ANKRD11: variants seen among roughly 807,000 people sequenced by gnomAD.
ANKRD11 encodes the protein ankyrin repeat domain-containing protein 11.
In ANKRD11, 17 loss-of-function variants were observed where a neutral mutation model predicts 195.7. That is an observed-to-expected ratio of 0.09 (90% confidence interval 0.06 to 0.13). ANKRD11 has a LOEUF of 0.13. Among genes scored for constraint, ANKRD11 ranks in the 10% least tolerant of loss-of-function variants. ANKRD11 has a pLI of 1.00. For synonymous variants in ANKRD11, 1,953 were observed against 1,528.1 expected, an observed-to-expected ratio of 1.28 and a Z score of -6.49; for missense variants, 3,735 against 3,566.1, an observed-to-expected ratio of 1.05 and a Z score of -1.21.
intron 1 of ANKRD11, among the ~76,000 whole-genome samples, chr16:89,450,212 G>C (rs1352418943): frequency 6.6e-6 from 1 of 152,142 alleles, no homozygotes; most frequent in Non-Finnish European, 1.5e-5. Flanking sequence ...TGTGCATGGA[G>C]CTGGCTCAGA....
chr16:89,480,142 T>A, intron 1 of ANKRD11, among the ~76,000 whole-genome samples: 1 of 148,134 alleles, frequency 6.8e-6, no homozygotes, highest in Non-Finnish European at 1.5e-5. Context: ...TCCTGCCAAG[T>A]ATTATTGCCT....
In ANKRD11 at chr16:89,285,890, G is replaced by C; in HGVS notation, c.892+149C>G. 1 of 1,253,692 alleles carries C rather than the reference G, an allele frequency of 8.0e-7. No individual in the cohort carries two copies. Among genetic ancestry groups the C allele is most frequent in the Non-Finnish European group, 1.1e-6 (1 of 879,264 alleles). 77.7% of individuals were successfully genotyped at this position (1,253,692 alleles called of 1,614,324 possible). A position where few individuals can be genotyped will look rare whatever the true frequency, so the allele number is the denominator to read the frequency against. On this transcript the variant is annotated intron_variant, in intron 8 of 12. Transcript: ENST00000301030. This position sits in a 1 kb window ranked among gnomAD's most constrained non-coding sequence, Gnocchi z 5.6. ...CAGGCTTCTCGGCAGTGACACACCTGGGCGGGGTCTCCCGCAGTCCAGAAG... is the reference window on the plus strand; with the variant it reads ...CAGGCTTCTCGGCAGTGACACACCTCGGCGGGGTCTCCCGCAGTCCAGAAG...
Position 89,282,019 on chromosome 16 carries a change from T to C in ANKRD11, c.4523A>G (p.Asp1508Gly), listed in dbSNP as rs1193473542. The C allele has an allele frequency of 6.2e-7, 1 of 1,613,540 alleles. No individual in the cohort carries two copies. Among genetic ancestry groups the C allele is most frequent in the Admixed American group, 1.7e-5 (1 of 60,026 alleles). Reference sequence around the variant, plus strand: ...GTCTTTGAGCACGCGGGGCGGGCTGTCCTTGTCCCTGGTGGCGGGCTTCTG... The same window carrying C: ...GTCTTTGAGCACGCGGGGCGGGCTGCCCTTGTCCCTGGTGGCGGGCTTCTG... ...DEQKPATRDK[D>G]SPPRVLKDKS... is the part of the protein sequence containing the mutation. Residue 1508 changes from aspartate (D) to glycine (G), a missense_variant, in exon 9 of 13, where the codon GAC becomes GGC. By Grantham distance (94) the Asp-to-Gly change is moderately conservative. Coordinates refer to ENST00000301030, the MANE Select transcript of ANKRD11 (RefSeq NM_013275.6).
At chr16:89,359,675 C>T (rs1597781983) in intron 2 of ANKRD11, among the ~76,000 whole-genome samples, 1 of 152,232 alleles carries the variant, frequency 6.6e-6, no homozygotes, top group African/African-American at 2.4e-5. Flanking sequence ...CTCTGCCTCT[C>T]CACACTGAAG....
At chr16:89,305,377 GT>G (rs1743467726) in intron 3 of ANKRD11, 33 bp from the exon 4 acceptor site, 2 of 1,613,476 alleles carry the variant, frequency 1.2e-6, no homozygotes, top group Admixed American at 1.7e-5. Flanking sequence ...CAGTCGTGAT[GT>G]CCAAATTACA....
intron 1 of ANKRD11, among the ~76,000 whole-genome samples, chr16:89,431,675 T>G (rs187250310): frequency 3.3e-5 from 5 of 152,304 alleles, no homozygotes; most frequent in Admixed American, 3.3e-4. Context: ...CTTCAGCCAC[T>G]GCAGGGGCAC....
At position 89,284,517 on chromosome 16, in the gene ANKRD11, C is replaced by T. The variant is rs757865923; in HGVS notation, c.2025G>A (p.Glu675=). 2.5e-6 allele frequency: 4 copies of T among 1,614,094 alleles called. No individual in the cohort carries two copies. Among genetic ancestry groups the T allele is most frequent in the East Asian group, 2.2e-5 (1 of 44,886 alleles). ...KQKSDKAILL[E]NDLSTENKLK... is the part of the protein sequence containing the mutation. ...GCTTGTTTTCAGTGGAAAGATCATT[C>T]TCTAACAGTATAGCCTTATCTGACT... Residue 675 remains glutamate (E), a synonymous_variant, in exon 9 of 13, where the codon GAG becomes GAA. Coordinates refer to ENST00000301030, the MANE Select transcript of ANKRD11 (RefSeq NM_013275.6).
intron 2 of ANKRD11, among the ~76,000 whole-genome samples, chr16:89,403,336 G>A (rs1023519432): frequency 6.6e-6 from 1 of 152,128 alleles, no homozygotes; most frequent in Non-Finnish European, 1.5e-5. Context: ...CCTCCTGACT[G>A]GCCCCAGCAC....
intron 2 of ANKRD11, among the ~76,000 whole-genome samples, chr16:89,374,191 A>G (rs2040317948): frequency 3.3e-5 from 5 of 152,234 alleles, no homozygotes; most frequent in Admixed American, 3.3e-4. Flanking sequence ...TCTTTTTAAA[A>G]ACATTAATAT....
intron 2 of ANKRD11, among the ~76,000 whole-genome samples, chr16:89,399,396 G>C (rs1051896649): frequency 6.6e-6 from 1 of 152,142 alleles, no homozygotes; most frequent in African/African-American, 2.4e-5. Context: ...CTGAGTGAAA[G>C]CAGCCCGTCT....
chr16:89,274,778 T>C (rs1457902153), intron 11 of ANKRD11, 36 bp downstream of exon 11: 1 of 1,604,936 alleles, frequency 6.2e-7, no homozygotes, highest in Admixed American at 1.7e-5. Context: ...GTGCAGGCAC[T>C]TGGACTCATG....
chr16:89,468,692 G>GT (rs2056965521), intron 1 of ANKRD11, among the ~76,000 whole-genome samples: 1 of 152,104 alleles, frequency 6.6e-6, no homozygotes. Flanking sequence ...GGGCAACAGA[G>GT]TAAGACGCTA....
At chr16:89,447,961 C>T (rs1234446701) in intron 1 of ANKRD11, among the ~76,000 whole-genome samples, 1 of 152,068 alleles carries the variant, frequency 6.6e-6, no homozygotes, top group South Asian at 2.1e-4. Flanking sequence ...CCCACCACCA[C>T]GCCTGGCTCA....
chr16:89,415,150 C>T (rs1375236530), intron 2 of ANKRD11, among the ~76,000 whole-genome samples: 1 of 151,488 alleles, frequency 6.6e-6, no homozygotes, highest in Non-Finnish European at 1.5e-5. Context: ...GATGCGGTCT[C>T]GTCATGTTAC....
At chr16:89,417,552 G>C (rs1024507584) in intron 2 of ANKRD11, among the ~76,000 whole-genome samples, 5 of 152,138 alleles carry the variant, frequency 3.3e-5, no homozygotes, top group African/African-American at 1.2e-4. Context: ...CTCCCAGGAG[G>C]AGGCAAGGAG....
intron 1 of ANKRD11, among the ~76,000 whole-genome samples, chr16:89,481,519 T>G (rs2057444967): frequency 6.6e-6 from 1 of 152,216 alleles, no homozygotes; most frequent in Non-Finnish European, 1.5e-5. Flanking sequence ...GTCACGCCAC[T>G]GCACTCCACC....
chr16:89,305,599 C>T (rs569100155), intron 3 of ANKRD11, among the ~76,000 whole-genome samples: 87 of 152,198 alleles, frequency 5.7e-4, no homozygotes, highest in African/African-American at 2.0e-3. Context: ...CTCAGGAAAT[C>T]GCTGGTGTGT....
intron 2 of ANKRD11, among the ~76,000 whole-genome samples, chr16:89,379,905 C>T: frequency 6.6e-6 from 1 of 152,210 alleles, no homozygotes; most frequent in East Asian, 1.9e-4. Context: ...TACATGGCTG[C>T]AGACACTGAC....
chr16:89,281,684 G>A lies in ANKRD11; in HGVS notation c.4858C>T (p.Leu1620Phe). Reference sequence around the variant, plus strand: ...TCTGCCGGCTTCGCCTTCTCCTTGAGCTTGGGGTCTCCGGACCGGTGCCTC... The same window carrying A: ...TCTGCCGGCTTCGCCTTCTCCTTGAACTTGGGGTCTCCGGACCGGTGCCTC... ...KLRHRSGDPK[L>F]KEKAKPADDG... Residue 1620 changes from leucine (L) to phenylalanine (F), a missense_variant, in exon 9 of 13, where the codon CTC (leucine) becomes TTC (phenylalanine). Leu to Phe is a conservative substitution (Grantham distance 22, BLOSUM62 0). Transcript: ENST00000301030. This position sits in a 1 kb window ranked among gnomAD's most constrained non-coding sequence, Gnocchi z 5.5. 2 of 1,614,156 alleles carry A rather than the reference G, an allele frequency of 1.2e-6. No individual in the cohort carries two copies. Among genetic ancestry groups the A allele is most frequent in the Non-Finnish European group, 1.7e-6 (2 of 1,180,040 alleles).
Sources: allele counts gnomAD v4.1 joint callset (sites outside exome capture counted in the v4.1 genomes callset), GRCh38; gene constraint gnomAD v4.1.1; non-coding constraint Gnocchi (gnomAD v3.1); transcripts MANE v1.5; gene names NCBI Gene and HGNC (gene_info 2026-07-23, HGNC 2026-07-21).